The following DLC1 variants were observed in gnomAD, a reference collection of about 807,000 sequenced individuals.
The protein encoded by DLC1 is DLC1 Rho GTPase activating protein.
DLC1 carries 54 observed loss-of-function variants against 140.3 expected under a neutral mutation model. That is an observed-to-expected ratio of 0.38 (90% CI 0.31 to 0.48). DLC1 has a LOEUF of 0.48. Among genes scored for constraint, DLC1 ranks in the 20% least tolerant of loss-of-function variants. The probability of loss-of-function intolerance (pLI) is 0.96; values close to 1 mark genes in which losing one functional copy is unlikely to be tolerated. For missense variants in DLC1, 2,536 were observed against 1,907.0 expected (o/e 1.33, Z -6.14); for synonymous variants, 986 against 728.1 (o/e 1.35, Z -5.70).
At chr8:13,234,350 T>G (rs888178317) in intron 5 of DLC1, among the ~76,000 whole-genome samples, 2 of 152,246 alleles carry the variant, frequency 1.3e-5, no homozygotes, top group African/African-American at 4.8e-5. Context: ...TGGTTCCTCA[T>G]CTACTAGTTG....
intron 4 of DLC1, among the ~76,000 whole-genome samples, chr8:13,372,006 C>T (rs1335707073): frequency 6.6e-6 from 1 of 152,122 alleles, no homozygotes; most frequent in Non-Finnish European, 1.5e-5. Flanking sequence ...GAGCCAGATC[C>T]TCTTGAAAAT....
chr8:13,563,382 T>C (rs1804311737), intron 1 of DLC1, among the ~76,000 whole-genome samples: 1 of 152,202 alleles, frequency 6.6e-6, no homozygotes, highest in East Asian at 1.9e-4. Context: ...TAAAACAAAG[T>C]ATTTATGGAC....
chr8:13,176,950 G>A (rs1231264689), intron 5 of DLC1, among the ~76,000 whole-genome samples: 1 of 152,148 alleles, frequency 6.6e-6, no homozygotes, highest in Non-Finnish European at 1.5e-5. Context: ...CGGCTTCCAG[G>A]AGCTGGGAAC....
intron 2 of DLC1, among the ~76,000 whole-genome samples, chr8:13,427,134 G>T (rs1448488809): frequency 6.6e-6 from 1 of 152,082 alleles, no homozygotes; most frequent in Non-Finnish European, 1.5e-5. Flanking sequence ...AAATGTATGT[G>T]GGGCTCTTGG....
chr8:13,192,062 C>T (rs1002862029), intron 5 of DLC1, among the ~76,000 whole-genome samples: 1 of 151,888 alleles, frequency 6.6e-6, no homozygotes, highest in Admixed American at 6.6e-5. Context: ...CTGCCTCAGC[C>T]TCCCAAGTAG....
At chr8:13,122,430 A>G (rs908559019) in intron 5 of DLC1, among the ~76,000 whole-genome samples, 1 of 152,164 alleles carries the variant, frequency 6.6e-6, no homozygotes, top group African/African-American at 2.4e-5. Flanking sequence ...ATTCATTTGT[A>G]TATCCCGAAA....
chr8:13,120,376 G>C (rs142717511), intron 5 of DLC1, among the ~76,000 whole-genome samples: 1,669 of 83,226 alleles, frequency 0.02, 43 homozygotes, highest in Middle Eastern at 0.047. Flanking sequence ...TATATAAAAT[G>C]TATATTATGT....
chr8:13,100,721 G>T lies in DLC1; in HGVS notation c.1616C>A (p.Thr539Asn), dbSNP rs1056530607. ...DEPCAISGKW[T>N]FQRDSKRWSR... ...CCACCTCTTGCTGTCCCTTTGGAAA[G>T]TCCATTTGCCACTGATGGCACAAGG... The change falls in exon 9 of 18, where the codon ACT becomes AAT. Residue 539 changes from threonine (T) to asparagine (N), a missense_variant. By Grantham distance (65) the Thr-to-Asn change is moderately conservative. Transcript: ENST00000276297. 6.2e-7 allele frequency: 1 copy of T among 1,604,462 alleles called. No individual in the cohort carries two copies. The highest frequency in any genetic ancestry group is 8.5e-7 in the Non-Finnish European group (1 of 1,175,866).
At chr8:13,336,230 A>G (rs1833805926) in intron 4 of DLC1, among the ~76,000 whole-genome samples, 3 of 152,078 alleles carry the variant, frequency 2.0e-5, no homozygotes, top group Admixed American at 1.3e-4. Flanking sequence ...CCCTTAATAA[A>G]GTTTTTTTTT....
At chr8:13,337,459 A>G (rs1308736625) in intron 4 of DLC1, among the ~76,000 whole-genome samples, 1 of 152,138 alleles carries the variant, frequency 6.6e-6, no homozygotes, top group African/African-American at 2.4e-5. Flanking sequence ...ATTCTAGGAA[A>G]TTTGTATTTT....
upstream of DLC1, among the ~76,000 whole-genome samples, chr8:13,516,160 A>C (rs1411877320): frequency 6.6e-6 from 1 of 151,006 alleles, no homozygotes; most frequent in Non-Finnish European, 1.5e-5. Flanking sequence ...TGACTCAAGC[A>C]TTTTTTTGGG....
chr8:13,351,398 A>C (rs546157680), intron 4 of DLC1, among the ~76,000 whole-genome samples: 1 of 152,220 alleles, frequency 6.6e-6, no homozygotes, highest in African/African-American at 2.4e-5. Flanking sequence ...TGTCATTGCA[A>C]TGTTAGTTTT....
Position 13,111,169 on chromosome 8 carries a change from G to A in DLC1, c.1421-346C>T, listed in dbSNP as rs75092993. Among the ~76,000 whole-genome samples the A allele has an allele frequency of 5.3e-3, 814 of 152,254 alleles. 4 individuals carry two copies. Among genetic ancestry groups the A allele is most frequent in the South Asian group, 0.019 (90 of 4,822 alleles). On this transcript the variant is annotated intron_variant, in intron 6 of 17. Coordinates refer to ENST00000276297, the MANE Select transcript of DLC1 (RefSeq NM_182643.3). ...ACAAAGACTGTCAGAAGAATGCTCC[G>A]TTTTAATGTGGCTGGGCTGTGTGTA...
intron 2 of DLC1, among the ~76,000 whole-genome samples, chr8:13,425,200 C>G (rs922627254): frequency 6.6e-6 from 1 of 151,928 alleles, no homozygotes; most frequent in African/African-American, 2.4e-5. Flanking sequence ...CTGTTTCCCA[C>G]AAACTCTTCG....
Position 13,541,361 on chromosome 8 carries a change from C to T in DLC1, c.-125-41165G>A, listed in dbSNP as rs367845578. On this transcript the variant is annotated intron_variant, in intron 1 of 1. Transcript: ENST00000631382. The stretch of plus-strand genomic sequence containing the variant: ...TATATGATAAGTGCATATTTAATTA[C>T]GTAAGACACTGCCAAACTGTTCCAA... 6.6e-5 allele frequency among the ~76,000 whole-genome samples: 10 copies of T among 151,998 alleles called. No homozygotes were observed. In the East Asian group the frequency reaches 1.3e-3, roughly 21 times the overall value.
At chr8:13,276,706 C>T in intron 5 of DLC1, 4 of 717,660 alleles carry the variant, frequency 5.6e-6, no homozygotes, top group Non-Finnish European at 7.1e-6. Flanking sequence ...TGGGTCCGCG[C>T]CGGGCTGCTC....
At chr8:13,290,962 G>A (rs1390264672) in intron 5 of DLC1, among the ~76,000 whole-genome samples, 6 of 152,164 alleles carry the variant, frequency 3.9e-5, no homozygotes, top group South Asian at 2.1e-4. Context: ...AGGCTGGAGT[G>A]CAATGGCGCG....
chr8:13,196,121 C>T (rs1197269760), intron 5 of DLC1, among the ~76,000 whole-genome samples: 1 of 151,808 alleles, frequency 6.6e-6, no homozygotes, highest in Non-Finnish European at 1.5e-5. Context: ...CACACACACA[C>T]ACACACACGT....
chr8:13,109,346 C>G (rs1026060654), intron 7 of DLC1, among the ~76,000 whole-genome samples: 3 of 151,514 alleles, frequency 2.0e-5, no homozygotes, highest in South Asian at 2.1e-4. Flanking sequence ...TGCTTGAGCC[C>G]AGGAGTTCAA....
Sources: allele counts gnomAD v4.1 joint callset (sites outside exome capture counted in the v4.1 genomes callset), GRCh38; gene constraint gnomAD v4.1.1; transcripts MANE v1.5; gene names NCBI Gene and HGNC (gene_info 2026-07-23, HGNC 2026-07-21).